The following THSD4 variants were observed in gnomAD, a reference collection of about 807,000 sequenced individuals.
THSD4 encodes the protein thrombospondin type-1 domain-containing protein 4.
Under a neutral mutation model 119.0 loss-of-function variants are expected in THSD4, and 69 were observed. The ratio of observed to expected loss-of-function variants is 0.58; its 90% confidence interval spans 0.48 to 0.71. THSD4 has a LOEUF of 0.71. THSD4 is among the 30% of genes least tolerant of loss of function. The pLI is 0.00. For synonymous variants in THSD4, 524 were observed against 540.4 expected (o/e 0.97, Z 0.42); for missense variants, 1,393 against 1,391.1 (o/e 1.00, Z -0.02).
intron 5 of THSD4, among the ~76,000 whole-genome samples, chr15:71,251,170 A>G (rs892487172): frequency 1.3e-5 from 2 of 152,156 alleles, no homozygotes; most frequent in African/African-American, 2.4e-5. Context: ...CTGGAGCGAA[A>G]TTTTGGCCCA....
rs181533175 is a variant in THSD4, at chr15:71,764,937, C to T, written c.2590-83C>T. 220 of 1,493,764 alleles carry T rather than the reference C, an allele frequency of 1.5e-4. 1 individual carries two copies. In the East Asian group the frequency reaches 4.3e-3, roughly 29 times the overall value. The allele number at this position is 1,493,764 out of a possible 1,614,324, so 92.5% of individuals were successfully genotyped here. A position where few individuals can be genotyped will look rare whatever the true frequency, so the allele number is the denominator to read the frequency against. ...AATTGGTGGTAGAATTGACGGTGCC[C>T]GTCATAAGCATCCCTTGATGGACAG... On this transcript the variant is annotated intron_variant, in intron 15 of 17. Coordinates refer to ENST00000261862, the MANE Select transcript of THSD4 (RefSeq NM_024817.3).
chr15:71,728,919 A>C, intron 9 of THSD4, 195 bp downstream of exon 9: 3 of 653,910 alleles, frequency 4.6e-6, no homozygotes, highest in Non-Finnish European at 7.9e-6. Flanking sequence ...AGCTCACAGC[A>C]ACCTCCAACT....
chr15:71,477,595 G>A (rs1233658925), intron 7 of THSD4, among the ~76,000 whole-genome samples: 1 of 152,178 alleles, frequency 6.6e-6, no homozygotes, highest in Admixed American at 6.5e-5. Context: ...TTCTTCTTGA[G>A]CAACTCTTCT....
chr15:71,142,492 A>G (rs1275131545), intron 2 of THSD4, among the ~76,000 whole-genome samples: 2 of 152,164 alleles, frequency 1.3e-5, no homozygotes. Context: ...TTTTATTAAT[A>G]TAAATTTACT....
At chr15:71,470,522 C>T (rs959692500) in intron 7 of THSD4, among the ~76,000 whole-genome samples, 1 of 152,120 alleles carries the variant, frequency 6.6e-6, no homozygotes, top group Admixed American at 6.5e-5. Flanking sequence ...CTAATGGTCT[C>T]ATTAGGAGGT....
At chr15:71,437,261 C>T (rs1450174517) in intron 7 of THSD4, among the ~76,000 whole-genome samples, 1 of 152,212 alleles carries the variant, frequency 6.6e-6, no homozygotes, top group Non-Finnish European at 1.5e-5. Flanking sequence ...GCGATCCACT[C>T]CCATGGTCCA....
intron 7 of THSD4, among the ~76,000 whole-genome samples, chr15:71,583,421 C>G (rs955606323): frequency 4.0e-5 from 6 of 149,844 alleles, no homozygotes; most frequent in Non-Finnish European, 8.9e-5. Flanking sequence ...CTGCTATAAT[C>G]TTTATTACTT....
chr15:71,105,608 T>A (rs2040270906), intron 1 of THSD4, among the ~76,000 whole-genome samples: 1 of 152,206 alleles, frequency 6.6e-6, no homozygotes, highest in African/African-American at 2.4e-5. Context: ...GGACACCTCA[T>A]GACTGAGGAA....
At chr15:71,442,238 A>G (rs62017918) in intron 7 of THSD4, among the ~76,000 whole-genome samples, 148,009 of 151,862 alleles carry the variant, frequency 0.97, 72,187 homozygotes, top group East Asian at 1. Flanking sequence ...GATTACAGAC[A>G]TGAGCCACCG....
chr15:71,633,265 C>CTT (rs2050668540), intron 7 of THSD4, among the ~76,000 whole-genome samples: 1 of 123,598 alleles, frequency 8.1e-6, no homozygotes, highest in Admixed American at 8.9e-5. Flanking sequence ...TTCTTTCTTT[C>CTT]TTTCTTTTTT....
intron 7 of THSD4, among the ~76,000 whole-genome samples, chr15:71,633,155 A>G (rs2050665228): frequency 6.6e-6 from 1 of 152,088 alleles, no homozygotes; most frequent in Admixed American, 6.5e-5. Flanking sequence ...TGTATAAATG[A>G]TCAGCCCCAC....
intron 6 of THSD4, among the ~76,000 whole-genome samples, chr15:71,372,670 A>C (rs1486587664): frequency 6.6e-6 from 1 of 152,164 alleles, no homozygotes; most frequent in African/African-American, 2.4e-5. Context: ...CTGGCCGTGT[A>C]AGGTCAGTGT....
chr15:71,652,700 G>T (rs140638436), intron 7 of THSD4, among the ~76,000 whole-genome samples: 1 of 152,200 alleles, frequency 6.6e-6, no homozygotes, highest in Non-Finnish European at 1.5e-5. Context: ...CTACAAGAGC[G>T]CCAACATTTT....
chr15:71,109,731 G>GAAAAA (rs10717858), intron 1 of THSD4, among the ~76,000 whole-genome samples: 7 of 132,694 alleles, frequency 5.3e-5, no homozygotes, highest in Admixed American at 1.5e-4. Context: ...CACTAAAAGA[G>GAAAAA]AAAAAAAAAA....
At chr15:71,634,198 A>AAAAAAG (rs1476606265) in intron 7 of THSD4, among the ~76,000 whole-genome samples, 3 of 147,262 alleles carry the variant, frequency 2.0e-5, no homozygotes, top group African/African-American at 5.0e-5. Flanking sequence ...AAAAAAAAAA[A>AAAAAAG]AAAAAGAAAA....
chr15:71,637,531 C>T (rs1212289510), intron 7 of THSD4, among the ~76,000 whole-genome samples: 1 of 151,992 alleles, frequency 6.6e-6, no homozygotes, highest in Non-Finnish European at 1.5e-5. Context: ...CTGGCATCCT[C>T]AGGGAAGAAA....
At chr15:71,283,878 C>T (rs906654587) in intron 6 of THSD4, among the ~76,000 whole-genome samples, 1 of 152,080 alleles carries the variant, frequency 6.6e-6, no homozygotes, top group African/African-American at 2.4e-5. Flanking sequence ...AGCTCAATGC[C>T]CAGGGATGGT....
At chr15:71,364,914 T>C (rs528925903) in intron 6 of THSD4, among the ~76,000 whole-genome samples, 105 of 152,294 alleles carry the variant, frequency 6.9e-4, no homozygotes, top group South Asian at 5.8e-3. Flanking sequence ...TAAAGCTCTG[T>C]TAAATTGCAG....
At chr15:71,713,840 A>G (rs1170394438) in intron 8 of THSD4, among the ~76,000 whole-genome samples, 1 of 152,188 alleles carries the variant, frequency 6.6e-6, no homozygotes, top group Non-Finnish European at 1.5e-5. Flanking sequence ...AGGCCTAACT[A>G]GTTAAAAGGA....
Sources: allele counts gnomAD v4.1 joint callset (sites outside exome capture counted in the v4.1 genomes callset), GRCh38; gene constraint gnomAD v4.1.1; transcripts MANE v1.5; gene names NCBI Gene and HGNC (gene_info 2026-07-23, HGNC 2026-07-21).